HHAT: variants seen among roughly 807,000 people sequenced by gnomAD.
HHAT encodes the protein hedgehog acyltransferase.
Under a neutral mutation model 70.8 loss-of-function variants are expected in HHAT, and 47 were observed. That is an observed-to-expected ratio of 0.66 (90% CI 0.53 to 0.85). The LOEUF (loss-of-function observed/expected upper bound fraction) is 0.85, where lower values mean the gene tolerates loss of function less well. Among genes scored for constraint, HHAT ranks in the 40% least tolerant of loss-of-function variants. The pLI, the probability that HHAT is intolerant of heterozygous loss-of-function variation, is 0.00. For missense variants in HHAT, 609 were observed against 604.8 expected (o/e 1.01, Z -0.07); for synonymous variants, 228 against 247.6 (o/e 0.92, Z 0.74).
At chr1:210,389,609 G>T (rs571323897) in intron 4 of HHAT, among the ~76,000 whole-genome samples, 1 of 152,190 alleles carries the variant, frequency 6.6e-6, no homozygotes, top group Non-Finnish European at 1.5e-5. Flanking sequence ...TCTCTCTTCT[G>T]CTCTGCCACG....
chr1:210,565,182 C>T (rs1296980167), intron 9 of HHAT, among the ~76,000 whole-genome samples: 1 of 152,186 alleles, frequency 6.6e-6, no homozygotes, highest in South Asian at 2.1e-4. Flanking sequence ...AGGGACAAAT[C>T]GTGAATGGAC....
intron 8 of HHAT, among the ~76,000 whole-genome samples, chr1:210,502,711 T>G (rs910437156): frequency 6.6e-6 from 1 of 152,228 alleles, no homozygotes; most frequent in Non-Finnish European, 1.5e-5. Context: ...TTTGTGATGA[T>G]GCTTTGTAAA....
intron 1 of HHAT, among the ~76,000 whole-genome samples, chr1:210,347,083 G>A (rs1457994217): frequency 2.0e-5 from 3 of 152,174 alleles, no homozygotes; most frequent in Non-Finnish European, 4.4e-5. Flanking sequence ...ATACATTATT[G>A]TTAACTATAA....
chr1:210,343,281 G>C (rs2147947614), intron 1 of HHAT, among the ~76,000 whole-genome samples: 1 of 152,254 alleles, frequency 6.6e-6, no homozygotes, highest in South Asian at 2.1e-4. Flanking sequence ...AGAAGCTCGA[G>C]GTTGCTGCCT....
In HHAT at chr1:210,570,626, A is replaced by G. The variant is rs547771184; in HGVS notation, c.1044-17272A>G. 1.4e-3 allele frequency among the ~76,000 whole-genome samples: 219 copies of G among 152,294 alleles called. 3 individuals carry two copies. In the South Asian group the frequency reaches 0.019, roughly 13 times the overall value. On this transcript the variant is annotated intron_variant, in intron 9 of 11. Transcript: ENST00000261458. ...GGAGCAGAAGGATAGGCATCAGGCT[A>G]AAAAGACCTTTGCGCTGATGAAAGT... is the stretch of plus-strand genomic sequence containing the variant.
chr1:210,612,087 C>T (rs1187792956), intron 10 of HHAT, among the ~76,000 whole-genome samples: 3 of 152,032 alleles, frequency 2.0e-5, no homozygotes, highest in Non-Finnish European at 4.4e-5. Flanking sequence ...TGATTATGGC[C>T]CACCTGCGTT....
intron 11 of HHAT, among the ~76,000 whole-genome samples, chr1:210,660,790 AC>A (rs1363598740): frequency 1.3e-5 from 2 of 152,148 alleles, no homozygotes; most frequent in African/African-American, 4.8e-5. Context: ...TGTTTGACAA[AC>A]CCGACAAAAA....
chr1:210,329,417 AACTCTGGT>A, intron 1 of HHAT: 1 of 1,111,422 alleles, frequency 9.0e-7, no homozygotes, highest in African/African-American at 1.6e-5. Context: ...GGGAGTTGCG[AACTCTGGT>A]CCTCTTGGCA....
chr1:210,655,281 G>T (rs1049122005), intron 11 of HHAT, among the ~76,000 whole-genome samples: 1 of 152,200 alleles, frequency 6.6e-6, no homozygotes, highest in Non-Finnish European at 1.5e-5. Context: ...GGGTGCTAAT[G>T]CCTCATTAGT....
chr1:210,550,133 C>A (rs749572403), intron 9 of HHAT, among the ~76,000 whole-genome samples: 6 of 149,300 alleles, frequency 4.0e-5, no homozygotes, highest in Non-Finnish European at 7.4e-5. Context: ...TCATGCCTAG[C>A]TTATGTCTCA....
intron 11 of HHAT, among the ~76,000 whole-genome samples, chr1:210,645,367 C>T (rs1673817384): frequency 6.6e-6 from 1 of 152,116 alleles, no homozygotes; most frequent in South Asian, 2.1e-4. Flanking sequence ...AAGCTCTGCC[C>T]CCCGGGTTCA....
intron 3 of HHAT, among the ~76,000 whole-genome samples, chr1:210,370,252 G>A (rs1337699131): frequency 7.0e-6 from 1 of 142,184 alleles, no homozygotes; most frequent in Non-Finnish European, 1.5e-5. Context: ...TTGGCTCACT[G>A]CAACCTCTGC....
At chr1:210,527,798 G>A (rs960439877) in intron 9 of HHAT, among the ~76,000 whole-genome samples, 1 of 152,164 alleles carries the variant, frequency 6.6e-6, no homozygotes, top group Non-Finnish European at 1.5e-5. Flanking sequence ...GTGTGTACTA[G>A]CCATGTGACT....
chr1:210,492,239 T>C (rs7546331), intron 8 of HHAT, among the ~76,000 whole-genome samples: 96,836 of 151,970 alleles, frequency 0.64, 30,950 homozygotes, highest in Middle Eastern at 0.69. Context: ...ATCACTCTAT[T>C]TTAGAGGCTC....
At chr1:210,536,690 C>A (rs528529314) in intron 9 of HHAT, among the ~76,000 whole-genome samples, 68 of 152,330 alleles carry the variant, frequency 4.5e-4, no homozygotes, top group South Asian at 1.4e-3. Flanking sequence ...TGATCAGGGG[C>A]AGTAGCAAAG....
chr1:210,627,287 G>T (rs1288681763), intron 11 of HHAT, among the ~76,000 whole-genome samples: 2 of 152,140 alleles, frequency 1.3e-5, no homozygotes, highest in African/African-American at 2.4e-5. Flanking sequence ...TGTCTTAAAA[G>T]ATACACCTCA....
chr1:210,336,431 C>T (rs183337023), intron 1 of HHAT, among the ~76,000 whole-genome samples: 3 of 151,616 alleles, frequency 2.0e-5, no homozygotes, highest in South Asian at 2.1e-4. Flanking sequence ...TCTGGCCTGG[C>T]GTGCAGTTTT....
intron 6 of HHAT, among the ~76,000 whole-genome samples, chr1:210,412,601 G>A (rs949842990): frequency 1.4e-4 from 21 of 152,238 alleles, no homozygotes; most frequent in Non-Finnish European, 2.4e-4. Flanking sequence ...TTAAGGCTCA[G>A]GAATCATCAT....
intron 10 of HHAT, among the ~76,000 whole-genome samples, chr1:210,620,807 T>C (rs1668665300): frequency 6.6e-6 from 1 of 152,200 alleles, no homozygotes. Context: ...AATTGAATTG[T>C]AGTCATTCAT....
Sources: gnomAD v4.1 joint callset for allele counts (sites outside exome capture counted in the v4.1 genomes callset) on GRCh38, gnomAD v4.1.1 for gene constraint, MANE v1.5 for transcripts, NCBI Gene and HGNC (gene_info 2026-07-23, HGNC 2026-07-21) for gene names.